The following VPS8 variants were observed in gnomAD, a reference collection of about 807,000 sequenced individuals.
VPS8 encodes the protein vacuolar protein sorting-associated protein 8 homolog.
VPS8 carries 129 observed loss-of-function variants against 216.4 expected under a neutral mutation model. The ratio of observed to expected loss-of-function variants is 0.60; its 90% CI spans 0.52 to 0.69. VPS8 has a LOEUF of 0.69. Ranked by LOEUF, VPS8 falls within the 30% of genes least tolerant of loss-of-function variation. The pLI, the probability that VPS8 is intolerant of heterozygous loss-of-function variation, is 0.00. For missense variants in VPS8, 1,531 were observed against 1,683.5 expected, an observed-to-expected ratio of 0.91 and a Z score of 1.59; for synonymous variants, 571 against 565.4, an observed-to-expected ratio of 1.01 and a Z score of -0.14.
intron 34 of VPS8, 76 bp downstream of exon 34, chr3:184,930,644 A>G (rs1182038084): frequency 8.8e-6 from 9 of 1,018,788 alleles, no homozygotes; most frequent in Non-Finnish European, 1.2e-5. Context: ...CCAACGAAGC[A>G]ATGGCATGTA....
chr3:184,966,243 G>A (rs1046520003), intron 38 of VPS8, among the ~76,000 whole-genome samples: 8 of 152,024 alleles, frequency 5.3e-5, no homozygotes, highest in East Asian at 3.9e-4. Context: ...AGAGGGAGAC[G>A]TCACTCATTA....
chr3:185,044,556 AACGGTCACC>A (rs1334951880), intron 46 of VPS8, among the ~76,000 whole-genome samples: 22 of 151,960 alleles, frequency 1.4e-4, no homozygotes, highest in Non-Finnish European at 2.6e-4. Flanking sequence ...CTGTGCTGTG[AACGGTCACC>A]ATGTTGTTTC....
intron 37 of VPS8, among the ~76,000 whole-genome samples, chr3:184,958,667 G>T (rs1338299952): frequency 6.6e-6 from 1 of 152,174 alleles, no homozygotes; most frequent in Non-Finnish European, 1.5e-5. Flanking sequence ...TAATTTCAGT[G>T]ATTCCAAGTC....
chr3:185,040,142 C>T (rs1205294845), intron 46 of VPS8, among the ~76,000 whole-genome samples: 1 of 152,134 alleles, frequency 6.6e-6, no homozygotes, highest in East Asian at 1.9e-4. Context: ...ATGAGGGATC[C>T]ACCTCCATAG....
Position 184,832,697 on chromosome 3 carries a change from T to C in VPS8, c.231T>C (p.Asp77=), listed in dbSNP as rs763151012. The C allele has an allele frequency of 6.3e-7, 1 of 1,599,080 alleles. No homozygotes were observed. Among genetic ancestry groups the C allele is most frequent in the Non-Finnish European group, 8.5e-7 (1 of 1,171,556 alleles). The change falls in exon 4 of 48, where the codon GAT becomes GAC. Residue 77 remains aspartate, a synonymous_variant. Coordinates refer to ENST00000625842, the MANE Select transcript of VPS8 (RefSeq NM_001009921.3). ...TLESILNETD[D]EDESFILEDP... is the part of the protein sequence containing the mutation. ...ATCTTCTTCCAATTTAGACTGATGA[T>C]GAAGATGAGTCTTTTATTCTTGAGG...
chr3:184,996,941 A>C (rs1201652386), intron 44 of VPS8, among the ~76,000 whole-genome samples: 1 of 152,184 alleles, frequency 6.6e-6, no homozygotes, highest in Non-Finnish European at 1.5e-5. Flanking sequence ...CAATTGGGTA[A>C]ACATGGTACC....
chr3:184,870,830 A>G (rs774983794), intron 21 of VPS8, 25 bp downstream of exon 21: 2 of 1,579,982 alleles, frequency 1.3e-6, no homozygotes, highest in Non-Finnish European at 1.7e-6. Context: ...TGCTTCCAGT[A>G]GACGATGCTC....
intron 3 of VPS8, among the ~76,000 whole-genome samples, chr3:184,829,647 G>A (rs999270341): frequency 3.9e-5 from 6 of 152,168 alleles, no homozygotes; most frequent in African/African-American, 1.4e-4. Context: ...TCCAGCAACA[G>A]TATATGAGAT....
intron 37 of VPS8, among the ~76,000 whole-genome samples, chr3:184,960,303 A>G (rs1746303081): frequency 6.6e-6 from 1 of 151,980 alleles, no homozygotes; most frequent in African/African-American, 2.4e-5. Flanking sequence ...CTTTTTCATG[A>G]CCTCCTTGAA....
intron 25 of VPS8, among the ~76,000 whole-genome samples, chr3:184,912,212 T>C (rs2109063584): frequency 6.6e-6 from 1 of 152,322 alleles, no homozygotes; most frequent in East Asian, 1.9e-4. Context: ...AATAAAAGAC[T>C]CTTAATTCGT....
chr3:184,990,952 G>A (rs1467374058), intron 42 of VPS8, among the ~76,000 whole-genome samples: 1 of 151,356 alleles, frequency 6.6e-6, no homozygotes, highest in Non-Finnish European at 1.5e-5. Context: ...TGAATATTAG[G>A]TGATAAAAGA....
At chr3:184,982,301 A>G (rs935215582) in intron 40 of VPS8, 5 of 424,878 alleles carry the variant, frequency 1.2e-5, no homozygotes, top group Non-Finnish European at 1.7e-5. Flanking sequence ...TCCGAGGCCT[A>G]GACTTACTTA....
intron 33 of VPS8, among the ~76,000 whole-genome samples, chr3:184,930,192 G>T (rs1352635238): frequency 6.6e-6 from 1 of 152,148 alleles, no homozygotes; most frequent in African/African-American, 2.4e-5. Flanking sequence ...TGGACAATGG[G>T]ATCCCCAAAA....
rs757702879 is a variant in VPS8, at chr3:184,826,234, A to G, written c.222+3A>G. The G allele has an allele frequency of 3.4e-5, 55 of 1,604,302 alleles. No individual in the cohort carries two copies. In the East Asian group the frequency reaches 1.1e-3, roughly 32 times the overall value. On this transcript the variant is annotated splice_donor_region_variant and intron_variant, in intron 3 of 47. Coordinates refer to ENST00000625842, the MANE Select transcript of VPS8 (RefSeq NM_001009921.3). ...CACTGGAAAGCATACTAAATGAGGT[A>G]AGTGAATATTAATGATTACTGTCAT...
At chr3:185,047,661 G>A (rs1509504) in intron 46 of VPS8, among the ~76,000 whole-genome samples, 42,053 of 152,090 alleles carry the variant, frequency 0.28, 6,732 homozygotes, top group East Asian at 0.63. Context: ...CTGGTACTAG[G>A]CAGGCGACAC....
intron 35 of VPS8, among the ~76,000 whole-genome samples, 157 bp from the exon 36 acceptor site, chr3:184,940,040 A>G (rs1576914898): frequency 6.6e-6 from 1 of 152,188 alleles, no homozygotes; most frequent in East Asian, 1.9e-4. Context: ...TAACCTCCAG[A>G]TGATTCTTTA....
At chr3:184,913,103 T>C (rs558587184) in intron 25 of VPS8, among the ~76,000 whole-genome samples, 32 of 152,344 alleles carry the variant, frequency 2.1e-4, no homozygotes, top group African/African-American at 7.7e-4. Context: ...TTGGGAACAA[T>C]GGCCTTTTCA....
intron 25 of VPS8, among the ~76,000 whole-genome samples, chr3:184,907,901 T>G (rs1234584468): frequency 2.0e-5 from 3 of 152,150 alleles, no homozygotes; most frequent in Non-Finnish European, 2.9e-5. Flanking sequence ...CAGCCATGGG[T>G]TATAAATTAG....
intron 29 of VPS8, among the ~76,000 whole-genome samples, chr3:184,921,371 T>C (rs1738569727): frequency 6.6e-6 from 1 of 152,200 alleles, no homozygotes; most frequent in Non-Finnish European, 1.5e-5. Flanking sequence ...CGGCTCCTGC[T>C]ATTACCTCTG....
Sources: gnomAD v4.1 joint callset for allele counts (sites outside exome capture counted in the v4.1 genomes callset) on GRCh38, gnomAD v4.1.1 for gene constraint, MANE v1.5 for transcripts, NCBI Gene and HGNC (gene_info 2026-07-23, HGNC 2026-07-21) for gene names.